The following MAD1L1 variants were observed in gnomAD, a reference collection of about 807,000 sequenced individuals.
MAD1L1 encodes the protein mitotic spindle assembly checkpoint protein MAD1.
In MAD1L1, 95 loss-of-function variants were observed where a neutral mutation model predicts 96.9. That is an observed-to-expected ratio of 0.98 (90% confidence interval 0.83 to 1.16). MAD1L1 has a LOEUF of 1.16. MAD1L1 is among the 50% of genes most tolerant of loss of function. The pLI is 0.00. For missense variants in MAD1L1, 1,007 were observed against 954.4 expected (o/e 1.06, Z -0.73); for synonymous variants, 473 against 396.6 (o/e 1.19, Z -2.29).
chr7:2,204,033 T>A (rs147016170), intron 10 of MAD1L1, among the ~76,000 whole-genome samples: 3 of 152,260 alleles, frequency 2.0e-5, no homozygotes, highest in Non-Finnish European at 4.4e-5. Flanking sequence ...TTTGCATTTA[T>A]GCAGCTTGTT....
intron 11 of MAD1L1, 108 bp from the exon 12 acceptor site, chr7:2,069,446 T>G: frequency 4.6e-6 from 5 of 1,093,576 alleles, no homozygotes; most frequent in Non-Finnish European, 6.2e-6. Flanking sequence ...AAAATAGAGC[T>G]GCACGTGCAA....
chr7:2,215,293 G>A (rs1008568865), intron 9 of MAD1L1, among the ~76,000 whole-genome samples: 26 of 150,096 alleles, frequency 1.7e-4, no homozygotes, highest in African/African-American at 9.9e-5. Context: ...CAGGAGACTC[G>A]CTTGTACCCG....
intron 12 of MAD1L1, among the ~76,000 whole-genome samples, chr7:2,019,074 T>G (rs938728081): frequency 5.3e-5 from 8 of 152,174 alleles, no homozygotes; most frequent in Admixed American, 1.3e-4. Context: ...CTGAATAGAT[T>G]CAGGCGGGAA....
At chr7:2,072,479 A>G (rs1180578567) in intron 11 of MAD1L1, among the ~76,000 whole-genome samples, 2 of 152,212 alleles carry the variant, frequency 1.3e-5, no homozygotes, top group South Asian at 4.1e-4. Flanking sequence ...GCAGGCACAA[A>G]GCTCATGGGA....
At chr7:2,179,257 C>T (rs1335906489) in intron 10 of MAD1L1, among the ~76,000 whole-genome samples, 1 of 152,068 alleles carries the variant, frequency 6.6e-6, no homozygotes, top group African/African-American at 2.4e-5. Context: ...AGACCGGGCA[C>T]GGTGGCTCAT....
chr7:1,909,259 C>T (rs111867697), intron 17 of MAD1L1, among the ~76,000 whole-genome samples: 5,145 of 152,294 alleles, frequency 0.034, 193 homozygotes, highest in Admixed American at 0.099. Context: ...GGGGGAGCCG[C>T]CCGAGTGTCC....
chr7:2,151,683 A>G (rs899810233), intron 10 of MAD1L1, among the ~76,000 whole-genome samples: 4 of 152,258 alleles, frequency 2.6e-5, no homozygotes, highest in Admixed American at 6.5e-5. Flanking sequence ...AGGCTCTGCT[A>G]ACCATGTTCT....
At chr7:2,014,959 C>T (rs974379436) in intron 12 of MAD1L1, among the ~76,000 whole-genome samples, 2 of 152,218 alleles carry the variant, frequency 1.3e-5, no homozygotes, top group Admixed American at 6.5e-5. Context: ...TGGGAGCAGA[C>T]GCCTCTGCCC....
intron 18 of MAD1L1, among the ~76,000 whole-genome samples, chr7:1,857,731 C>T (rs571801268): frequency 1.3e-5 from 2 of 152,284 alleles, no homozygotes; most frequent in East Asian, 1.9e-4. Flanking sequence ...CACCAGGGGC[C>T]GGGGGACGTC....
In MAD1L1 at chr7:2,102,004, G is replaced by A. The variant is rs1230968953; in HGVS notation, c.1074-32666C>T. ...GGGAGTGGGCAGATCACACAGCCTCGCTGACCTTGGACCCTCCTGTCTGAC... is the reference window on the plus strand; with the variant it reads ...GGGAGTGGGCAGATCACACAGCCTCACTGACCTTGGACCCTCCTGTCTGAC... On this transcript the variant is annotated intron_variant, in intron 11 of 18. Transcript: ENST00000265854. Among the ~76,000 whole-genome samples, 6 of 152,062 alleles carry A rather than the reference G, an allele frequency of 3.9e-5. No homozygotes were observed. In the East Asian group the frequency reaches 7.7e-4, roughly 20 times the overall value.
intron 11 of MAD1L1, among the ~76,000 whole-genome samples, chr7:2,080,252 C>T (rs1395401764): frequency 2.6e-5 from 4 of 152,208 alleles, no homozygotes; most frequent in South Asian, 4.1e-4. Context: ...TGACAGAGCC[C>T]GTGGCTCAAA....
intron 18 of MAD1L1, among the ~76,000 whole-genome samples, chr7:1,832,637 G>GA (rs1554266525): frequency 2.9e-5 from 1 of 35,054 alleles, no homozygotes; most frequent in East Asian, 8.8e-4. Flanking sequence ...TTTTGGCGGG[G>GA]GGGGGGGGGG....
rs1786415701 is a variant in MAD1L1 at position 2,095,089 on chromosome 7, C to A, written c.1074-25751G>T. 2.6e-5 allele frequency among the ~76,000 whole-genome samples: 4 copies of A among 152,172 alleles called. No homozygotes were observed. The South Asian group carries it at 8.3e-4, about 32-fold the overall frequency. On this transcript the variant is annotated intron_variant, in intron 11 of 18. Transcript: ENST00000265854. ...GCAGAGTCTCGCTCTGTCGCCTAGGCTGGAGTGCAGTGGCTCCATCTCAGC... is the reference window on the plus strand; with the variant it reads ...GCAGAGTCTCGCTCTGTCGCCTAGGATGGAGTGCAGTGGCTCCATCTCAGC...
chr7:2,162,697 T>A (rs1205754860), intron 10 of MAD1L1, among the ~76,000 whole-genome samples: 5 of 112,782 alleles, frequency 4.4e-5, no homozygotes, highest in African/African-American at 1.8e-4. Flanking sequence ...TTATCTATAA[T>A]CCACCACTCA....
rs1778946627 is a variant in MAD1L1 at position 1,940,974 on chromosome 7, C to CCTCCTCTTCCTCTCCCAGGCCTCAG, written c.1597-4078_1597-4077insCTGAGGCCTGGGAGAGGAAGAGGAG. Among the ~76,000 whole-genome samples, 701 of 114,218 alleles carry CCTCCTCTTCCTCTCCCAGGCCTCAG rather than the reference C, an allele frequency of 6.1e-3. 27 individuals are homozygous for CCTCCTCTTCCTCTCCCAGGCCTCAG. Among genetic ancestry groups the CCTCCTCTTCCTCTCCCAGGCCTCAG allele is most frequent in the Admixed American group, 0.044 (543 of 12,352 alleles). The allele number at this position is 114,218 out of a possible 152,430, so 74.9% of individuals were successfully genotyped here. On this transcript the variant is annotated intron_variant, in intron 16 of 18. Transcript: ENST00000265854. Reference sequence around the variant, plus strand: ...CCTCTTCCTCCCCCCGCAGGCCTCACCCTCCTCTTCCTCTCCCAGGCCTCA... The same window carrying CCTCCTCTTCCTCTCCCAGGCCTCAG: ...CCTCTTCCTCCCCCCGCAGGCCTCACCTCCTCTTCCTCTCCCAGGCCTCAGCCTCCTCTTCCTCTCCCAGGCCTCA...
At chr7:1,992,195 G>A (rs1781383931) in intron 14 of MAD1L1, among the ~76,000 whole-genome samples, 1 of 151,564 alleles carries the variant, frequency 6.6e-6, no homozygotes, top group African/African-American at 2.4e-5. Context: ...CTGGGTGCCT[G>A]AGCACCTGCC....
rs183791487 is a variant in MAD1L1 at position 1,874,328 on chromosome 7, G to A, written c.1998+23872C>T. Among the ~76,000 whole-genome samples the A allele has an allele frequency of 3.9e-5, 6 of 152,268 alleles. No individual in the cohort carries two copies. The South Asian group carries it at 1.2e-3, about 32-fold the overall frequency. On this transcript the variant is annotated intron_variant, in intron 18 of 18. Transcript: ENST00000265854. The stretch of plus-strand genomic sequence containing the variant: ...TGGGCCACAGTGCAGAGGACAGAGG[G>A]GGTGACCGTGGCTTGGGATGGTCAG...
intron 12 of MAD1L1, among the ~76,000 whole-genome samples, chr7:2,016,959 C>T (rs529743290): frequency 2.0e-5 from 3 of 152,378 alleles, no homozygotes; most frequent in South Asian, 2.1e-4. Flanking sequence ...AAGGCCGGGG[C>T]GGGGGACTTC....
intron 17 of MAD1L1, 25 bp downstream of exon 17, chr7:1,936,662 G>A (rs1471935727): frequency 1.3e-6 from 2 of 1,542,552 alleles, no homozygotes; most frequent in South Asian, 2.4e-5. Context: ...GAGGATGGCA[G>A]GGACCGGGGG....
Sources: allele counts gnomAD v4.1 joint callset (sites outside exome capture counted in the v4.1 genomes callset), GRCh38; gene constraint gnomAD v4.1.1; transcripts MANE v1.5; gene names NCBI Gene and HGNC (gene_info 2026-07-23, HGNC 2026-07-21).